Variants in FER observed in about 807,000 individuals in gnomAD.
The protein encoded by FER is tyrosine-protein kinase Fer.
FER carries 63 observed loss-of-function variants against 111.0 expected under a neutral mutation model. That is an observed-to-expected ratio of 0.57 (90% CI 0.46 to 0.70). The LOEUF (loss-of-function observed/expected upper bound fraction) is 0.70, where lower values mean the gene tolerates loss of function less well. Among genes scored for constraint, FER ranks in the 30% least tolerant of loss-of-function variants. The pLI is 0.00. For missense variants in FER, 914 were observed against 954.0 expected, an observed-to-expected ratio of 0.96 and a Z score of 0.55; for synonymous variants, 327 against 313.9, an observed-to-expected ratio of 1.04 and a Z score of -0.44.
chr5:109,123,076 G>C (rs1266004407), intron 17 of FER, among the ~76,000 whole-genome samples: 1 of 150,222 alleles, frequency 6.7e-6, no homozygotes, highest in South Asian at 2.1e-4. Context: ...CAATGTTATT[G>C]TTAAGTAAGG....
chr5:109,003,269 A>C (rs562151693), intron 13 of FER, among the ~76,000 whole-genome samples: 1 of 152,200 alleles, frequency 6.6e-6, no homozygotes, highest in Non-Finnish European at 1.5e-5. Context: ...CATATACACC[A>C]TGTAATACTA....
At chr5:109,099,460 G>T (rs568924302) in intron 16 of FER, among the ~76,000 whole-genome samples, 40 of 151,552 alleles carry the variant, frequency 2.6e-4, no homozygotes, top group African/African-American at 9.2e-4. Context: ...CTTTTCAGCT[G>T]TAAATTTAAT....
At chr5:108,960,493 C>G (rs1371217520) in intron 13 of FER, among the ~76,000 whole-genome samples, 1 of 151,808 alleles carries the variant, frequency 6.6e-6, no homozygotes, top group African/African-American at 2.4e-5. Flanking sequence ...ATTACCAAAA[C>G]CATAAAAAAT....
intron 16 of FER, among the ~76,000 whole-genome samples, chr5:109,086,507 ATTTG>A (rs1156306762): frequency 6.6e-6 from 1 of 151,202 alleles, no homozygotes; most frequent in African/African-American, 2.4e-5. Context: ...TTTTTTTATA[ATTTG>A]TTTCTCATTG....
At chr5:109,147,894 T>A (rs1754417843) in intron 17 of FER, among the ~76,000 whole-genome samples, 1 of 151,622 alleles carries the variant, frequency 6.6e-6, no homozygotes, top group Non-Finnish European at 1.5e-5. Context: ...AGGTTCCAAA[T>A]AAGTTTGTTC....
rs1337008320 is a variant in FER, at chr5:109,104,011, T to C, written c.2048+3492T>C. ...TACTTGAGTGAAAGCCCACAATTTA[T>C]GGGGAGTTTGGGGAACATTTCTTAA... On this transcript the variant is annotated intron_variant, in intron 17 of 19. Transcript: ENST00000281092. Among the ~76,000 whole-genome samples, 5 of 152,280 alleles carry C rather than the reference T, an allele frequency of 3.3e-5. No individual in the cohort carries two copies. In the East Asian group the frequency reaches 7.7e-4, roughly 23 times the overall value.
At chr5:108,854,914 A>G (rs1329043752) in intron 5 of FER, among the ~76,000 whole-genome samples, 1 of 137,600 alleles carries the variant, frequency 7.3e-6, no homozygotes. Context: ...ACTGCACTCC[A>G]GCTGGGCTGA....
chr5:108,793,670 C>T (rs1334053597), intron 2 of FER, among the ~76,000 whole-genome samples: 1 of 152,074 alleles, frequency 6.6e-6, no homozygotes. Flanking sequence ...TTTTCTACAT[C>T]CTTACTATTT....
At chr5:108,831,317 T>C (rs181160371) in intron 3 of FER, among the ~76,000 whole-genome samples, 1 of 152,238 alleles carries the variant, frequency 6.6e-6, no homozygotes, top group East Asian at 1.9e-4. Flanking sequence ...TCTCCAACAC[T>C]GCATAGTTTG....
intron 10 of FER, among the ~76,000 whole-genome samples, chr5:108,923,903 A>G (rs1753375783): frequency 6.6e-6 from 1 of 152,216 alleles, no homozygotes; most frequent in Non-Finnish European, 1.5e-5. Flanking sequence ...AACACATTGG[A>G]TTAAGAAAAG....
chr5:108,986,296 T>C (rs1431077496), intron 13 of FER, among the ~76,000 whole-genome samples: 2 of 99,394 alleles, frequency 2.0e-5, no homozygotes, highest in African/African-American at 3.2e-5. Flanking sequence ...TTTCTTCTCT[T>C]TTTTTTTTTT....
At chr5:109,112,651 T>C (rs896448333) in intron 17 of FER, among the ~76,000 whole-genome samples, 5 of 152,134 alleles carry the variant, frequency 3.3e-5, no homozygotes, top group Non-Finnish European at 7.4e-5. Context: ...ATTAAGAAAG[T>C]TTTAGCTGGT....
At chr5:108,931,681 T>C (rs934493433) in intron 10 of FER, among the ~76,000 whole-genome samples, 1 of 151,830 alleles carries the variant, frequency 6.6e-6, no homozygotes, top group Non-Finnish European at 1.5e-5. Context: ...AATAGAAAAA[T>C]TAGCTAGGCA....
At chr5:108,963,259 A>T (rs188268942) in intron 13 of FER, among the ~76,000 whole-genome samples, 38 of 152,288 alleles carry the variant, frequency 2.5e-4, no homozygotes, top group Admixed American at 7.2e-4. Flanking sequence ...AAGCAAAAAC[A>T]TTTATGATTA....
At chr5:108,787,355 G>T (rs527702534) in intron 2 of FER, among the ~76,000 whole-genome samples, 1 of 152,316 alleles carries the variant, frequency 6.6e-6, no homozygotes, top group East Asian at 1.9e-4. Flanking sequence ...CTTGGCACCA[G>T]CCTGCAGGCG....
At chr5:108,983,965 C>T (rs572888153) in intron 13 of FER, among the ~76,000 whole-genome samples, 110 of 152,196 alleles carry the variant, frequency 7.2e-4, no homozygotes, top group African/African-American at 2.5e-3. Context: ...TTCATGCAGT[C>T]AGCAAATATT....
intron 16 of FER, among the ~76,000 whole-genome samples, chr5:109,073,891 A>C (rs1033194315): frequency 1.4e-4 from 21 of 152,334 alleles, no homozygotes; most frequent in African/African-American, 5.1e-4. Flanking sequence ...TAAACTCTTA[A>C]TAATAAAAAA....
intron 4 of FER, among the ~76,000 whole-genome samples, 181 bp from the exon 5 acceptor site, chr5:108,835,527 A>G (rs903467977): frequency 2.6e-5 from 4 of 152,036 alleles, no homozygotes; most frequent in Admixed American, 6.6e-5. Context: ...TTCACATGCT[A>G]TTGAATTTAG....
chr5:109,140,050 C>G (rs1753355787), intron 17 of FER, among the ~76,000 whole-genome samples: 1 of 152,164 alleles, frequency 6.6e-6, no homozygotes, highest in African/African-American at 2.4e-5. Flanking sequence ...ACAAACAATT[C>G]TACCTTGTAT....
Sources: gnomAD v4.1 joint callset for allele counts (sites outside exome capture counted in the v4.1 genomes callset) on GRCh38, gnomAD v4.1.1 for gene constraint, MANE v1.5 for transcripts, NCBI Gene and HGNC (gene_info 2026-07-23, HGNC 2026-07-21) for gene names.